Variants in FAM110A observed in about 807,000 individuals in gnomAD.
FAM110A encodes the protein protein FAM110A.
FAM110A carries 1 observed loss-of-function variant against 4.0 expected under a neutral mutation model. That is an observed-to-expected ratio of 0.25 (90% CI 0.09 to 1.20). FAM110A has a LOEUF of 1.20. Ranked by LOEUF, FAM110A falls within the 50% of genes most tolerant of loss-of-function variation. The pLI is 0.50. For missense variants in FAM110A, 436 were observed against 429.2 expected, an observed-to-expected ratio of 1.02 and a Z score of -0.14; for synonymous variants, 217 against 196.8, an observed-to-expected ratio of 1.10 and a Z score of -0.86.
At chr20:843,779 C>A (rs636681) in intron 1 of FAM110A, among the ~76,000 whole-genome samples, 36,841 of 152,128 alleles carry the variant, frequency 0.24, 4,757 homozygotes, top group Middle Eastern at 0.34. Flanking sequence ...TGGGTGACCA[C>A]GTAGACACTT....
chr20:845,134 C>T lies in FAM110A; in HGVS notation c.330C>T (p.Leu110=), dbSNP rs1320269517. The part of the protein sequence containing the change: ...PQLDLDILSS[L]IDLCDSPVSP... ...TGGACCTGGACATCCTCAGCAGCCT[C>T]ATCGACTTGTGTGACAGCCCCGTGT... The change falls in exon 2 of 2, where the codon CTC becomes CTT. Residue 110 remains leucine, a synonymous_variant. Transcript: ENST00000381941. 8.2e-6 allele frequency: 13 copies of T among 1,583,940 alleles called. No homozygotes were observed. Among genetic ancestry groups the T allele is most frequent in the African/African-American group, 1.3e-5 (1 of 74,182 alleles).
At position 844,876 on chromosome 20, in the gene FAM110A, C is replaced by T. The variant is rs1008026707; in HGVS notation, c.72C>T (p.Val24=). The T allele has an allele frequency of 6.5e-7, 1 of 1,548,870 alleles. No individual in the cohort carries two copies. Among genetic ancestry groups the T allele is most frequent in the Non-Finnish European group, 8.7e-7 (1 of 1,146,828 alleles). ...TACCTTGCCGCCTGCGGACCAGGGT[C>T]CCTGGCTACCTGCTACGGGGGCCGG... The part of the protein sequence containing the change: ...PALPCRLRTR[V]PGYLLRGPAD... The change falls in exon 2 of 2, where the codon GTC becomes GTT. Residue 24 remains valine, a synonymous_variant. Transcript: ENST00000381941.
Position 833,745 on chromosome 20 carries a change from T to G in FAM110A, c.-304T>G, listed in dbSNP as rs1309592196. On this transcript the variant is annotated 5_prime_UTR_variant, in exon 1 of 2. Coordinates refer to ENST00000381941, the MANE Select transcript of FAM110A (RefSeq NM_001042353.3). The surrounding 1 kb of genome is among the most constrained non-coding windows in gnomAD (Gnocchi z 4.1). ...CCCTTCCACGGCGCCCCAGGGACTT[T>G]CCCTGCGGTGGGGGCCTTCGACAGT... is the stretch of plus-strand genomic sequence containing the variant. The G allele has an allele frequency of 6.6e-6, 1 of 152,198 alleles. No homozygotes were observed. The highest frequency in any genetic ancestry group is 1.5e-5 in the Non-Finnish European group (1 of 68,052). 9.4% of individuals were successfully genotyped at this position (152,198 alleles called of 1,614,324 possible).
intron 1 of FAM110A, chr20:839,683 C>A (rs1979771090): frequency 8.1e-7 from 1 of 1,236,012 alleles, no homozygotes; most frequent in African/African-American, 1.5e-5. Flanking sequence ...GGAACAATCT[C>A]CGGGGGCAGA....
chr20:836,470 G>A (rs1979582186), intron 1 of FAM110A, among the ~76,000 whole-genome samples: 1 of 152,110 alleles, frequency 6.6e-6, no homozygotes, highest in Admixed American at 6.5e-5. Context: ...TATTTGTCTT[G>A]TTGTGTCTGG....
chr20:842,078 C>T (rs1220718893), intron 1 of FAM110A, among the ~76,000 whole-genome samples: 5 of 152,268 alleles, frequency 3.3e-5, no homozygotes, highest in Non-Finnish European at 2.9e-5. Flanking sequence ...TTTGATCTCT[C>T]CATCCTTATC....
Position 845,089 on chromosome 20 carries a change from C to A in FAM110A, c.285C>A (p.Gly95=). The change falls in exon 2 of 2, where the codon GGC becomes GGA. Residue 95 remains glycine, a synonymous_variant. Transcript: ENST00000381941. ...CGCCCAGCCGCCGAGCCCTGCCTGG[C>A]CCCTGCCGACGGCCCCAGCTGGACC... is the stretch of plus-strand genomic sequence containing the variant. ...VLTPSRRALP[G]PCRRPQLDLD... 6.3e-7 allele frequency: 1 copy of A among 1,596,882 alleles called. No individual in the cohort carries two copies. Among genetic ancestry groups the A allele is most frequent in the Non-Finnish European group, 8.5e-7 (1 of 1,173,084 alleles).
chr20:842,726 C>T (rs6038935), intron 1 of FAM110A, among the ~76,000 whole-genome samples: 134 of 152,264 alleles, frequency 8.8e-4, no homozygotes, highest in Middle Eastern at 3.4e-3. Flanking sequence ...TCATTATTAT[C>T]GAATATGCTG....
intron 1 of FAM110A, among the ~76,000 whole-genome samples, chr20:842,271 G>C (rs978209642): frequency 1.3e-5 from 2 of 152,184 alleles, no homozygotes; most frequent in East Asian, 3.9e-4. Context: ...CCCCGCCAGA[G>C]GGGACCTCAG....
chr20:842,757 T>C (rs557922183), intron 1 of FAM110A, among the ~76,000 whole-genome samples: 29 of 152,176 alleles, frequency 1.9e-4, no homozygotes, highest in Admixed American at 3.3e-4. Flanking sequence ...ATCTAGAGTT[T>C]TTATGTACTC....
chr20:839,083 C>T (rs563760966), intron 1 of FAM110A, among the ~76,000 whole-genome samples: 21 of 152,172 alleles, frequency 1.4e-4, no homozygotes, highest in African/African-American at 4.6e-4. Context: ...GTCCAGCCGA[C>T]GAGGCAGTAG....
chr20:836,883 T>C (rs1331828438), intron 1 of FAM110A, among the ~76,000 whole-genome samples: 1 of 152,096 alleles, frequency 6.6e-6, no homozygotes, highest in East Asian at 1.9e-4. Flanking sequence ...TTTCTGTTTG[T>C]ATTTTTTTTT....
At chr20:839,518 C>A (rs667568) in intron 1 of FAM110A, 27,743 of 1,020,184 alleles carry the variant, frequency 0.027, 896 homozygotes, top group African/African-American at 0.12. Context: ...GACCCAGCCC[C>A]AGCCTCGGCT....
Position 840,084 on chromosome 20 carries a change from C to A in FAM110A, c.-97-4624C>A. ...GCTTTGCTGTTACTACTATTAGCGC[C>A]TGAAGGAGCCTTCCCTCCCCATCCC... is the stretch of plus-strand genomic sequence containing the variant. On this transcript the variant is annotated intron_variant, in intron 1 of 1. Transcript: ENST00000381941. This position sits in a 1 kb window ranked among gnomAD's most constrained non-coding sequence, Gnocchi z 4.4. 1 of 699,122 alleles carries A rather than the reference C, an allele frequency of 1.4e-6. No homozygotes were observed. The highest frequency in any genetic ancestry group is 2.5e-6 in the Non-Finnish European group (1 of 396,564). The allele number at this position is 699,122 out of a possible 1,614,324, so 43.3% of individuals were successfully genotyped here.
Position 845,864 on chromosome 20 carries a change from ACT to A in FAM110A, c.*176_*177del. On this transcript the variant is annotated 3_prime_UTR_variant, in exon 2 of 2. Transcript: ENST00000381941. ...GACCAGCATTGTTGGGCAAGGACTGACTCTCCAAGGGTTTTGTTCTTGGCTTT... is the reference window on the plus strand; with the variant it reads ...GACCAGCATTGTTGGGCAAGGACTGACTCCAAGGGTTTTGTTCTTGGCTTT... 2 of 1,386,758 alleles carry A rather than the reference ACT, an allele frequency of 1.4e-6. No individual in the cohort carries two copies. The highest frequency in any genetic ancestry group is 1.9e-6 in the Non-Finnish European group (2 of 1,044,092). The allele number at this position is 1,386,758 out of a possible 1,614,324, so 85.9% of individuals were successfully genotyped here.
In FAM110A at chr20:840,049, C is replaced by T. The variant is rs1979801443; in HGVS notation, c.-97-4659C>T. On this transcript the variant is annotated intron_variant, in intron 1 of 1. Coordinates refer to ENST00000381941, the MANE Select transcript of FAM110A (RefSeq NM_001042353.3). This position sits in a 1 kb window ranked among gnomAD's most constrained non-coding sequence, Gnocchi z 4.4. ...TTCTTTTCTTTGCTATTACGAAAATCATTATTGTTGCTTTGCTGTTACTAC... is the reference window on the plus strand; with the variant it reads ...TTCTTTTCTTTGCTATTACGAAAATTATTATTGTTGCTTTGCTGTTACTAC... 1 of 824,120 alleles carries T rather than the reference C, an allele frequency of 1.2e-6. No individual in the cohort carries two copies. Among genetic ancestry groups the T allele is most frequent in the Admixed American group, 2.1e-5 (1 of 46,930 alleles). The allele number at this position is 824,120 out of a possible 1,614,324, so 51.1% of individuals were successfully genotyped here.
rs1299481997 is a variant in FAM110A at position 840,981 on chromosome 20, G to A, written c.-97-3727G>A. 6.6e-6 allele frequency among the ~76,000 whole-genome samples: 1 copy of A among 152,226 alleles called. No individual in the cohort carries two copies. The highest frequency in any genetic ancestry group is 2.4e-5 in the African/African-American group (1 of 41,462). ...GCGGTCGTTCTGAGTGTCAGGGAGCGGGGCTCAGTTTGTCCATCTCTAAGG... is the reference window on the plus strand; with the variant it reads ...GCGGTCGTTCTGAGTGTCAGGGAGCAGGGCTCAGTTTGTCCATCTCTAAGG... On this transcript the variant is annotated intron_variant, in intron 1 of 1. Transcript: ENST00000381941. The surrounding 1 kb of genome is among the most constrained non-coding windows in gnomAD (Gnocchi z 4.4).
intron 1 of FAM110A, among the ~76,000 whole-genome samples, chr20:835,164 ATCTC>A (rs143746608): frequency 0.038 from 5,195 of 136,244 alleles, 144 homozygotes; most frequent in South Asian, 0.092. Flanking sequence ...CAGTCCTCCC[ATCTC>A]TCTCTCTCTC....
At chr20:839,705 A>C in intron 1 of FAM110A, 1 of 1,254,442 alleles carries the variant, frequency 8.0e-7, no homozygotes, top group Non-Finnish European at 1.2e-6. Context: ...GTAGGGTGGC[A>C]GGAACAATCT....
Sources: gnomAD v4.1 joint callset for allele counts (sites outside exome capture counted in the v4.1 genomes callset) on GRCh38, gnomAD v4.1.1 for gene constraint, Gnocchi (gnomAD v3.1) non-coding constraint, MANE v1.5 for transcripts, NCBI Gene and HGNC (gene_info 2026-07-23, HGNC 2026-07-21) for gene names.